Variants in DYNC1LI2 observed in about 807,000 individuals in gnomAD.
The protein encoded by DYNC1LI2 is dynein cytoplasmic 1 light intermediate chain 2, also known as cytoplasmic dynein 1 light intermediate chain 2.
Under a neutral mutation model 57.8 loss-of-function variants are expected in DYNC1LI2, and 19 were observed. The observed-to-expected ratio is 0.33, with a 90% CI of 0.23 to 0.48. The LOEUF is 0.48. DYNC1LI2 is among the 20% of genes least tolerant of loss of function. DYNC1LI2 has a pLI of 0.99. For missense variants in DYNC1LI2, 470 were observed against 604.2 expected (o/e 0.78, Z 2.33); for synonymous variants, 256 against 233.4 (o/e 1.10, Z -0.88).
At position 66,736,352 on chromosome 16, in the gene DYNC1LI2, G is replaced by A. The variant is rs1789787732; in HGVS notation, c.530-108C>T. 3.7e-6 allele frequency: 5 copies of A among 1,335,736 alleles called. No homozygotes were observed. In the African/African-American group the frequency reaches 5.9e-5, roughly 16 times the overall value. 82.7% of individuals were successfully genotyped at this position (1,335,736 alleles called of 1,614,324 possible). A position where few individuals can be genotyped will look rare whatever the true frequency, so the allele number is the denominator to read the frequency against. ...ATAAGCACAAAACACAGGCAGTTGT[G>A]TGTGACAAACTTCTTAGTCACATCC... On this transcript the variant is annotated intron_variant, in intron 4 of 12. Transcript: ENST00000258198.
At chr16:66,729,167 C>T (rs150234288) in intron 8 of DYNC1LI2, 68 bp from the exon 9 acceptor site, 5 of 1,564,578 alleles carry the variant, frequency 3.2e-6, no homozygotes, top group Middle Eastern at 3.4e-4. Flanking sequence ...AAACTTCATG[C>T]CGAAAGGAGA....
At chr16:66,727,624 C>G (rs908943475) in intron 11 of DYNC1LI2, 64 bp downstream of exon 11, 30 of 1,531,672 alleles carry the variant, frequency 2.0e-5, no homozygotes, top group Non-Finnish European at 2.6e-5. Context: ...CACCCAGCCC[C>G]TGCAGGGCTC....
intron 3 of DYNC1LI2, among the ~76,000 whole-genome samples, chr16:66,748,195 C>A (rs2017972365): frequency 6.7e-6 from 1 of 148,770 alleles, no homozygotes; most frequent in South Asian, 2.1e-4. Context: ...GAAGGATGAC[C>A]CGAGGCTGGG....
intron 4 of DYNC1LI2, among the ~76,000 whole-genome samples, chr16:66,737,184 G>A (rs1399591131): frequency 6.6e-6 from 1 of 152,202 alleles, no homozygotes; most frequent in Admixed American, 6.5e-5. Context: ...GCTAAGGCAT[G>A]AGAATCGCCT....
At chr16:66,737,477 C>T (rs923478508) in intron 4 of DYNC1LI2, among the ~76,000 whole-genome samples, 6 of 123,306 alleles carry the variant, frequency 4.9e-5, no homozygotes, top group Non-Finnish European at 7.8e-5. Context: ...TAAGACAGAG[C>T]GAGACTCCGT....
chr16:66,751,538 C>G lies in DYNC1LI2; in HGVS notation c.54G>C (p.Ala18=). The G allele has an allele frequency of 6.3e-7, 1 of 1,588,306 alleles. No homozygotes were observed. ...KKLLLGPNGP[A]VAAAGDLTSE... ...TGGTCAGGTCGCCGGCGGCCGCCAC[C>G]GCGGGCCCGTTGGGACCTAGCAGCA... is the stretch of plus-strand genomic sequence containing the variant. The change falls in exon 1 of 13, where the codon GCG becomes GCC. Residue 18 remains alanine (A), a synonymous_variant. Coordinates refer to ENST00000258198, the MANE Select transcript of DYNC1LI2 (RefSeq NM_006141.3). This position sits in a 1 kb window ranked among gnomAD's most constrained non-coding sequence, Gnocchi z 5.2.
chr16:66,728,030 A>T, intron 10 of DYNC1LI2, 171 bp downstream of exon 10: 1 of 985,334 alleles, frequency 1.0e-6, no homozygotes. Flanking sequence ...TTCTTTCATC[A>T]GAAACTTCTT....
rs554517157 is a variant in DYNC1LI2 at position 66,741,619 on chromosome 16, G to T, written c.529+819C>A. On this transcript the variant is annotated intron_variant, in intron 4 of 12. Transcript: ENST00000258198. Reference sequence around the variant, plus strand: ...AAGCCCTCATTAATTCACCAGAGGGGGTGATGTCATCCTGTGAAAATACGC... The same window carrying T: ...AAGCCCTCATTAATTCACCAGAGGGTGTGATGTCATCCTGTGAAAATACGC... 4.6e-5 allele frequency among the ~76,000 whole-genome samples: 7 copies of T among 152,196 alleles called. No homozygotes were observed. In the South Asian group the frequency reaches 1.2e-3, roughly 27 times the overall value.
chr16:66,732,685 A>C (rs1247762078), intron 6 of DYNC1LI2: 4 of 413,364 alleles, frequency 9.7e-6, no homozygotes, highest in Non-Finnish European at 1.7e-5. Context: ...AAAAGTAAAA[A>C]GGTCATAGTA....
rs767652677 is a variant in DYNC1LI2 at position 66,734,203 on chromosome 16, G to A, written c.793+15C>T. On this transcript the variant is annotated intron_variant, in intron 6 of 12. Coordinates refer to ENST00000258198, the MANE Select transcript of DYNC1LI2 (RefSeq NM_006141.3). ...AAGCCTGTGACCCAGGCCCCACACA[G>A]CGCCCAAAGGATACACTGAAGGCAG... The A allele has an allele frequency of 1.9e-5, 31 of 1,613,432 alleles. No individual in the cohort carries two copies. The highest frequency in any genetic ancestry group is 2.5e-5 in the Non-Finnish European group (30 of 1,179,640).
chr16:66,732,142 G>C (rs985592743), intron 7 of DYNC1LI2, 197 bp downstream of exon 7: 4 of 628,304 alleles, frequency 6.4e-6, no homozygotes, highest in Non-Finnish European at 9.8e-6. Flanking sequence ...GAGGAAGAAA[G>C]GCAGCACCCC....
Position 66,727,795 on chromosome 16 carries a change from G to A in DYNC1LI2, c.1154C>T (p.Ala385Val). Residue 385 changes from alanine to valine, a missense_variant, in exon 11 of 13, where the codon GCA becomes GTA. Physicochemically the swap from Ala to Val is moderately conservative, Grantham distance 64 (BLOSUM62 0). Transcript: ENST00000258198. ...CCTTGGAGAGCCAGAGGGTCCTCTT[G>A]CAGGAGATTCCTAAGTCCAAAAGCA... is the stretch of plus-strand genomic sequence containing the variant. ...ATPTRASESP[A>V]RGPSGSPRTQ... The A allele has an allele frequency of 6.2e-7, 1 of 1,612,116 alleles. No individual in the cohort carries two copies. Among genetic ancestry groups the A allele is most frequent in the Non-Finnish European group, 8.5e-7 (1 of 1,179,252 alleles).
At chr16:66,743,025 C>T (rs1378493443) in intron 3 of DYNC1LI2, among the ~76,000 whole-genome samples, 4 of 151,876 alleles carry the variant, frequency 2.6e-5, no homozygotes, top group Admixed American at 1.3e-4. Context: ...AGCCGGGCAT[C>T]GTGACACTCG....
intron 6 of DYNC1LI2, 35 bp from the exon 7 acceptor site, chr16:66,732,509 C>T: frequency 1.9e-6 from 3 of 1,592,730 alleles, no homozygotes; most frequent in Non-Finnish European, 2.6e-6. Context: ...CAATTCACTG[C>T]AGGAGGAGAC....
intron 4 of DYNC1LI2, among the ~76,000 whole-genome samples, chr16:66,736,517 TTTC>T (rs2017737671): frequency 6.6e-6 from 1 of 152,184 alleles, no homozygotes; most frequent in Admixed American, 6.5e-5. Flanking sequence ...CAGGTTTTTT[TTTC>T]TTCTTTTTTG....
intron 2 of DYNC1LI2, among the ~76,000 whole-genome samples, chr16:66,750,723 CA>C (rs1396585522): frequency 1.3e-5 from 2 of 152,164 alleles, no homozygotes; most frequent in Non-Finnish European, 2.9e-5. Flanking sequence ...TGAATGTACC[CA>C]AACTCCCTCA....
At chr16:66,738,922 CACACACACACACAA>C (rs1330847379) in intron 4 of DYNC1LI2, 1 of 149,428 alleles carries the variant, frequency 6.7e-6, no homozygotes, top group Non-Finnish European at 1.5e-5. Flanking sequence ...CACACACACA[CACACACACACACAA>C]ATACTTCACT....
In DYNC1LI2 at chr16:66,721,463, T is replaced by G. The variant is rs1199661804; in HGVS notation, c.*2259A>C. On this transcript the variant is annotated 3_prime_UTR_variant, in exon 13 of 13. Coordinates refer to ENST00000258198, the MANE Select transcript of DYNC1LI2 (RefSeq NM_006141.3). ...ATAAAATGAATTTTACTTTAAAAACTAAAGGCTGTTTATTATTTGGCCTTT... is the reference window on the plus strand; with the variant it reads ...ATAAAATGAATTTTACTTTAAAAACGAAAGGCTGTTTATTATTTGGCCTTT... 1 of 152,616 alleles carries G rather than the reference T, an allele frequency of 6.6e-6. No homozygotes were observed. Among genetic ancestry groups the G allele is most frequent in the South Asian group, 2.1e-4 (1 of 4,832 alleles). 9.5% of individuals were successfully genotyped at this position (152,616 alleles called of 1,614,324 possible).
Position 66,721,878 on chromosome 16 carries a change from G to A in DYNC1LI2, c.*1844C>T, listed in dbSNP as rs1447973537. 4 of 152,272 alleles carry A rather than the reference G, an allele frequency of 2.6e-5. No individual in the cohort carries two copies. Among genetic ancestry groups the A allele is most frequent in the South Asian group, 2.1e-4 (1 of 4,828 alleles). The allele number at this position is 152,272 out of a possible 1,614,324, so 9.4% of individuals were successfully genotyped here. A position where few individuals can be genotyped will look rare whatever the true frequency, so the allele number is the denominator to read the frequency against. On this transcript the variant is annotated 3_prime_UTR_variant, in exon 13 of 13. Transcript: ENST00000258198. Reference sequence around the variant, plus strand: ...TTCTGAGGTCACTCATTTTACTCCCGGGGACTAAGCGACCCCACCTTTAGT... The same window carrying A: ...TTCTGAGGTCACTCATTTTACTCCCAGGGACTAAGCGACCCCACCTTTAGT...
Sources: gnomAD v4.1 joint callset for allele counts (sites outside exome capture counted in the v4.1 genomes callset) on GRCh38, gnomAD v4.1.1 for gene constraint, Gnocchi (gnomAD v3.1) non-coding constraint, MANE v1.5 for transcripts, NCBI Gene and HGNC (gene_info 2026-07-23, HGNC 2026-07-21) for gene names.